The following GPC5 variants were observed in gnomAD, a reference collection of about 807,000 sequenced individuals.
GPC5 encodes glypican-5.
In GPC5, 47 loss-of-function variants were observed where a neutral mutation model predicts 53.9. That is an observed-to-expected ratio of 0.87 (90% confidence interval 0.69 to 1.11). The LOEUF is 1.11. Ranked by LOEUF, GPC5 falls within the 50% of genes most tolerant of loss-of-function variation. The pLI is 0.00. For missense variants in GPC5, 748 were observed against 713.1 expected (o/e 1.05, Z -0.56); for synonymous variants, 286 against 263.3 (o/e 1.09, Z -0.84).
intron 2 of GPC5, among the ~76,000 whole-genome samples, chr13:91,515,120 G>A (rs373842216): frequency 1.3e-5 from 2 of 152,174 alleles, no homozygotes; most frequent in South Asian, 4.1e-4. Flanking sequence ...TGTATTCACA[G>A]AATGTTTTAG....
At chr13:91,517,407 C>A (rs1485583128) in intron 2 of GPC5, among the ~76,000 whole-genome samples, 4 of 152,166 alleles carry the variant, frequency 2.6e-5, no homozygotes, top group African/African-American at 9.7e-5. Flanking sequence ...TTTGCTAAAA[C>A]ATAACAAGAA....
chr13:92,274,463 GTTTAAATATCAGC>G (rs899145410), intron 7 of GPC5, among the ~76,000 whole-genome samples: 3 of 152,048 alleles, frequency 2.0e-5, no homozygotes, highest in African/African-American at 7.2e-5. Flanking sequence ...CGTACTTATT[GTTTAAATATCAGC>G]TTTTCCTCAT....
chr13:92,332,639 A>T (rs778420412), intron 7 of GPC5, among the ~76,000 whole-genome samples: 1 of 152,214 alleles, frequency 6.6e-6, no homozygotes, highest in Non-Finnish European at 1.5e-5. Context: ...TAGATAACAT[A>T]AATAAATGAA....
At chr13:92,837,451 T>A (rs1043295183) in intron 7 of GPC5, among the ~76,000 whole-genome samples, 1 of 152,036 alleles carries the variant, frequency 6.6e-6, no homozygotes, top group Non-Finnish European at 1.5e-5. Context: ...ATATAGCAGA[T>A]TTAACTTGCC....
At chr13:92,604,892 A>G (rs1312452421) in intron 7 of GPC5, among the ~76,000 whole-genome samples, 1 of 152,158 alleles carries the variant, frequency 6.6e-6, no homozygotes, top group African/African-American at 2.4e-5. Flanking sequence ...TTTGATCTTG[A>G]AAGTATAGCA....
intron 7 of GPC5, among the ~76,000 whole-genome samples, chr13:92,778,692 C>A (rs997338492): frequency 6.6e-6 from 1 of 152,066 alleles, no homozygotes; most frequent in Non-Finnish European, 1.5e-5. Flanking sequence ...TTTAGTTCTG[C>A]GACTGATCTT....
chr13:92,389,076 T>C (rs1276249978), intron 7 of GPC5, among the ~76,000 whole-genome samples: 1 of 152,066 alleles, frequency 6.6e-6, no homozygotes, highest in African/African-American at 2.4e-5. Flanking sequence ...ATAATACACA[T>C]AGTCGGCAAA....
chr13:91,757,716 T>C (rs1000398122), intron 5 of GPC5, among the ~76,000 whole-genome samples: 2 of 152,142 alleles, frequency 1.3e-5, no homozygotes, highest in Non-Finnish European at 2.9e-5. Context: ...TAAACTTCTT[T>C]CCTTTATAAA....
At chr13:91,435,059 G>T (rs1879808386) in intron 1 of GPC5, among the ~76,000 whole-genome samples, 1 of 152,212 alleles carries the variant, frequency 6.6e-6, no homozygotes, top group South Asian at 2.1e-4. Context: ...CTTTGCTGAA[G>T]TTGCCTATCA....
At chr13:92,207,980 C>T (rs777987712) in intron 7 of GPC5, among the ~76,000 whole-genome samples, 4 of 152,214 alleles carry the variant, frequency 2.6e-5, no homozygotes, top group Non-Finnish European at 5.9e-5. Flanking sequence ...AGAGCTGCCT[C>T]CTGAGGGAAT....
At chr13:92,135,674 C>T (rs1423458150) in intron 6 of GPC5, among the ~76,000 whole-genome samples, 1 of 152,160 alleles carries the variant, frequency 6.6e-6, no homozygotes, top group Non-Finnish European at 1.5e-5. Context: ...TACAAATTCA[C>T]AAGACTTTTA....
chr13:91,940,626 T>G (rs917421227), intron 6 of GPC5, among the ~76,000 whole-genome samples: 3 of 152,168 alleles, frequency 2.0e-5, no homozygotes, highest in African/African-American at 7.2e-5. Flanking sequence ...GTATAAGCAT[T>G]CCCTTTTCTC....
At chr13:92,087,833 G>A (rs1028662017) in intron 6 of GPC5, among the ~76,000 whole-genome samples, 3 of 152,064 alleles carry the variant, frequency 2.0e-5, no homozygotes, top group African/African-American at 7.2e-5. Context: ...AGAAAAAATA[G>A]GGTAATTTTA....
intron 7 of GPC5, among the ~76,000 whole-genome samples, chr13:92,501,111 C>A: frequency 6.6e-6 from 1 of 151,954 alleles, no homozygotes; most frequent in Admixed American, 6.6e-5. Flanking sequence ...AAAATAACAT[C>A]CCACATATGA....
chr13:92,567,754 T>G (rs964149319), intron 7 of GPC5, among the ~76,000 whole-genome samples: 28 of 152,164 alleles, frequency 1.8e-4, no homozygotes, highest in Admixed American at 4.6e-4. Flanking sequence ...ACAGCACTGT[T>G]GGTGTTTTGA....
At chr13:92,693,238 G>T (rs763573932) in intron 7 of GPC5, among the ~76,000 whole-genome samples, 8 of 152,082 alleles carry the variant, frequency 5.3e-5, no homozygotes, top group Non-Finnish European at 1.0e-4. Context: ...ATAGGAAATG[G>T]GTACCAGGAG....
intron 7 of GPC5, among the ~76,000 whole-genome samples, chr13:92,567,870 G>A (rs1310331865): frequency 1.3e-5 from 2 of 152,114 alleles, no homozygotes; most frequent in Non-Finnish European, 2.9e-5. Flanking sequence ...TGGTATGGCA[G>A]CACTATAAAA....
At chr13:92,818,324 T>C (rs1235645680) in intron 7 of GPC5, among the ~76,000 whole-genome samples, 1 of 152,040 alleles carries the variant, frequency 6.6e-6, no homozygotes, top group South Asian at 2.1e-4. Flanking sequence ...TTTTGAAATT[T>C]ATTCAAAACC....
intron 7 of GPC5, among the ~76,000 whole-genome samples, chr13:92,231,643 G>GA (rs1220234746): frequency 2.0e-5 from 3 of 148,844 alleles, no homozygotes; most frequent in Non-Finnish European, 4.4e-5. Context: ...CTGATTAAAA[G>GA]AAAAAACAAA....
Sources: allele counts gnomAD v4.1 joint callset (sites outside exome capture counted in the v4.1 genomes callset), GRCh38; gene constraint gnomAD v4.1.1; transcripts MANE v1.5; gene names NCBI Gene and HGNC (gene_info 2026-07-23, HGNC 2026-07-21).